TRIM14: variants seen among roughly 807,000 people sequenced by gnomAD.
TRIM14 encodes tripartite motif-containing protein 14.
A neutral mutation model predicts 44.5 loss-of-function variants in TRIM14; 28 were observed. The ratio of observed to expected loss-of-function variants is 0.63; its 90% CI spans 0.47 to 0.86. The LOEUF is 0.86. TRIM14 is among the 40% of genes least tolerant of loss of function. The pLI is 0.00. For missense variants in TRIM14, 607 were observed against 611.1 expected (o/e 0.99, Z 0.07); for synonymous variants, 299 against 269.2 (o/e 1.11, Z -1.08).
chr9:98,111,574 T>C (rs929756451), intron 1 of TRIM14, among the ~76,000 whole-genome samples: 13 of 152,132 alleles, frequency 8.5e-5, no homozygotes, highest in African/African-American at 3.1e-4. Flanking sequence ...TCAGGCAAAA[T>C]TGTTAAGAAT....
the TRIM14 span, among the ~76,000 whole-genome samples, chr9:98,050,104 C>T: frequency 6.6e-5 from 10 of 152,212 alleles, no homozygotes; most frequent in Non-Finnish European, 1.2e-4. Flanking sequence ...TATTTTAACA[C>T]AGTTGGAACA....
chr9:98,112,236 A>C (rs1587976131), intron 1 of TRIM14, among the ~76,000 whole-genome samples: 1 of 152,340 alleles, frequency 6.6e-6, no homozygotes, highest in East Asian at 1.9e-4. Context: ...ACTACTTGAT[A>C]TAAAAGAAAC....
chr9:98,056,592 C>T, the TRIM14 span: 1 of 624,628 alleles, frequency 1.6e-6, no homozygotes, highest in Non-Finnish European at 2.6e-6. Flanking sequence ...ACCCGCCCCG[C>T]CGCCCTTCCC....
At chr9:98,109,272 G>C (rs1298810492) in intron 2 of TRIM14, among the ~76,000 whole-genome samples, 1 of 126,804 alleles carries the variant, frequency 7.9e-6, no homozygotes, top group East Asian at 1.9e-4. Context: ...GAGGATGAAA[G>C]GGGGAGGGAG....
intron 6 of TRIM14, among the ~76,000 whole-genome samples, chr9:98,070,050 C>G (rs1267424450): frequency 6.6e-6 from 1 of 152,188 alleles, no homozygotes; most frequent in Non-Finnish European, 1.5e-5. Context: ...TTCTTTCTTA[C>G]AGTTGCACCT....
chr9:98,119,170 C>A lies in TRIM14; in HGVS notation c.19G>T (p.Gly7Trp). The A allele has an allele frequency of 6.3e-7, 1 of 1,576,758 alleles. No individual in the cohort carries two copies. Among genetic ancestry groups the A allele is most frequent in the Non-Finnish European group, 8.5e-7 (1 of 1,171,734 alleles). Reference protein sequence around the residue: MAGAATGSRTPGRSELV... With the variant: MAGAATWSRTPGRSELV... Reference sequence around the variant, plus strand: ...TCCGACCTCCCAGGGGTCCGGCTCCCGGTCGCCGCGCCCGCCATTCATCTC... The same window carrying A: ...TCCGACCTCCCAGGGGTCCGGCTCCAGGTCGCCGCGCCCGCCATTCATCTC... The change falls in exon 1 of 6, where the codon GGG becomes TGG. Residue 7 changes from glycine to tryptophan, a missense_variant. Physicochemically the swap from Gly to Trp is radical, Grantham distance 184. This residue lies in a region of TRIM14 where 246 missense variants were observed against 270.8 expected (regional missense o/e 0.91). Transcript: ENST00000341469.
intron 1 of TRIM14, among the ~76,000 whole-genome samples, chr9:98,116,322 A>T (rs909932000): frequency 7.0e-6 from 1 of 142,482 alleles, no homozygotes; most frequent in Non-Finnish European, 1.6e-5. Flanking sequence ...AAAAAAAAAA[A>T]TCCTTGGAAA....
At chr9:98,098,405 G>T (rs1342125820) in intron 3 of TRIM14, among the ~76,000 whole-genome samples, 2 of 152,124 alleles carry the variant, frequency 1.3e-5, no homozygotes, top group African/African-American at 4.8e-5. Context: ...TTCTTCCACG[G>T]TTCCCTAAAG....
intron 1 of TRIM14, among the ~76,000 whole-genome samples, chr9:98,111,226 G>A (rs548313888): frequency 2.0e-3 from 306 of 152,202 alleles, no homozygotes; most frequent in Non-Finnish European, 3.7e-3. Flanking sequence ...TGAATGGATA[G>A]GAAAGTGGGT....
At chr9:98,099,276 A>C (rs1462797171) in intron 3 of TRIM14, among the ~76,000 whole-genome samples, 1 of 151,956 alleles carries the variant, frequency 6.6e-6, no homozygotes, top group East Asian at 1.9e-4. Context: ...AACGTGGAGA[A>C]ACCCTGTCTC....
downstream of TRIM14, among the ~76,000 whole-genome samples, chr9:98,067,549 T>A (rs567920052): frequency 1.3e-5 from 2 of 152,248 alleles, no homozygotes; most frequent in South Asian, 2.1e-4. Flanking sequence ...TCTATTCAGA[T>A]CCTTTGTCAG....
intron 2 of TRIM14, among the ~76,000 whole-genome samples, chr9:98,107,837 A>AT (rs35567100): frequency 0.1 from 15,352 of 149,658 alleles, 814 homozygotes; most frequent in Non-Finnish European, 0.12. Flanking sequence ...ATTTTTTTGT[A>AT]TTTTTTTTTT....
At chr9:98,110,848 A>AAAAATAAAAT (rs58660734) in intron 1 of TRIM14, among the ~76,000 whole-genome samples, 6,504 of 130,518 alleles carry the variant, frequency 0.05, 244 homozygotes, top group South Asian at 0.094. Context: ...CTCTACCACA[A>AAAAATAAAAT]AAAATAAAAT....
intron 1 of TRIM14, among the ~76,000 whole-genome samples, chr9:98,110,560 T>C (rs1564189315): frequency 6.6e-6 from 1 of 152,082 alleles, no homozygotes; most frequent in Non-Finnish European, 1.5e-5. Context: ...CGTCTCCATC[T>C]TAGCCTTTCT....
At chr9:98,057,922 G>GTTTTTTTTTTTTTTTTTTTTT in the TRIM14 span, among the ~76,000 whole-genome samples, 2 of 78,086 alleles carry the variant, frequency 2.6e-5, no homozygotes, top group Non-Finnish European at 4.6e-5. Flanking sequence ...TTTTTTCCTG[G>GTTTTTTTTTTTTTTTTTTTTT]TTTTTTTTTT....
At chr9:98,091,610 CATT>C (rs1243490412) in intron 5 of TRIM14, among the ~76,000 whole-genome samples, 1 of 151,934 alleles carries the variant, frequency 6.6e-6, no homozygotes, top group African/African-American at 2.4e-5. Flanking sequence ...TTAAATATAT[CATT>C]ATATGCATAT....
chr9:98,061,092 T>G, the TRIM14 span: 1 of 1,190,850 alleles, frequency 8.4e-7, no homozygotes, highest in South Asian at 1.3e-5. Context: ...CTCCAGCCCT[T>G]GCTCATCCTT....
At chr9:98,039,364 C>A in the TRIM14 span, among the ~76,000 whole-genome samples, 1 of 152,182 alleles carries the variant, frequency 6.6e-6, no homozygotes, top group Non-Finnish European at 1.5e-5. Context: ...CTCCAACTTG[C>A]TTCTAACCTC....
At chr9:98,082,953 C>T (rs1347950609), downstream of TRIM14, 30 of 1,614,054 alleles carry the variant, frequency 1.9e-5, no homozygotes, top group Middle Eastern at 8.2e-4. Flanking sequence ...CTCCTGAAGA[C>T]ATCTTTAATC....
Sources: gnomAD v4.1 joint callset for allele counts (sites outside exome capture counted in the v4.1 genomes callset) on GRCh38, gnomAD v4.1.1 for gene constraint, gnomAD v4.1.1 regional missense constraint, MANE v1.5 for transcripts, NCBI Gene and HGNC (gene_info 2026-07-23, HGNC 2026-07-21) for gene names.